Variants in PAPLN observed in about 807,000 individuals in gnomAD.
PAPLN encodes the protein papilin.
A neutral mutation model predicts 159.0 loss-of-function variants in PAPLN; 146 were observed. The ratio of observed to expected loss-of-function variants is 0.92; its 90% confidence interval spans 0.80 to 1.05. The LOEUF is 1.05. Among genes scored for constraint, PAPLN ranks in the 50% least tolerant of loss-of-function variants. The pLI, the probability that PAPLN is intolerant of heterozygous loss-of-function variation, is 0.00. For missense variants in PAPLN, 1,720 were observed against 1,743.9 expected, an observed-to-expected ratio of 0.99 and a Z score of 0.24; for synonymous variants, 734 against 702.9, an observed-to-expected ratio of 1.04 and a Z score of -0.70.
At position 73,259,065 on chromosome 14, in the gene PAPLN, A is replaced by C. The variant is rs1886253198; in HGVS notation, c.1708+6A>C. The C allele has an allele frequency of 1.2e-6, 2 of 1,608,314 alleles. No homozygotes were observed. The highest frequency in any genetic ancestry group is 2.7e-5 in the African/African-American group (2 of 74,696). On this transcript the variant is annotated splice_donor_region_variant and intron_variant, in intron 15 of 26. Coordinates refer to ENST00000644200, the MANE Select transcript of PAPLN (RefSeq NM_001365906.3). ...TCAGGAGTCCCCTGCCTCAGGTGAG[A>C]GCCTGGTCCCGTCCCCCACTCAGAG...
Position 73,259,019 on chromosome 14 carries a change from C to T in PAPLN, c.1668C>T (p.Asn556=), listed in dbSNP as rs775601253. The change falls in exon 15 of 27, where the codon AAC becomes AAT. Residue 556 remains asparagine (N), a synonymous_variant. Coordinates refer to ENST00000644200, the MANE Select transcript of PAPLN (RefSeq NM_001365906.3). The stretch of plus-strand genomic sequence containing the variant: ...AGGATGTGCACACCCCTGCCAGCAA[C>T]CCCTGGATGCCGTTGGGCCCTCAGG... The part of the protein sequence containing the change: ...SMQDVHTPAS[N]PWMPLGPQES... 9.9e-6 allele frequency: 16 copies of T among 1,612,788 alleles called. No individual in the cohort carries two copies. The highest frequency in any genetic ancestry group is 1.4e-5 in the Non-Finnish European group (16 of 1,179,532).
At chr14:73,238,042 C>T (rs1370746044) in intron 1 of PAPLN, among the ~76,000 whole-genome samples, 1 of 152,176 alleles carries the variant, frequency 6.6e-6, no homozygotes, top group Non-Finnish European at 1.5e-5. Flanking sequence ...CGCCTCTCCG[C>T]CTCGGGGGTG....
chr14:73,264,046 T>G (rs542058788), intron 20 of PAPLN, 165 bp from the exon 21 acceptor site: 1 of 1,518,932 alleles, frequency 6.6e-7, no homozygotes, highest in Non-Finnish European at 8.8e-7. Context: ...CGCTGACAGG[T>G]GTGTGTGACA....
intron 2 of PAPLN, among the ~76,000 whole-genome samples, chr14:73,240,687 G>A (rs1179813921): frequency 6.6e-6 from 1 of 152,218 alleles, no homozygotes; most frequent in Non-Finnish European, 1.5e-5. Context: ...CAGGAAGCTG[G>A]CTGGTGGTCA....
In PAPLN at chr14:73,249,977, A is replaced by G. The variant is rs1885048967; in HGVS notation, c.335-7A>G. The G allele has an allele frequency of 6.3e-7, 1 of 1,595,116 alleles. No homozygotes were observed. The highest frequency in any genetic ancestry group is 1.1e-5 in the South Asian group (1 of 87,974). On this transcript the variant is annotated splice_polypyrimidine_tract_variant and splice_region_variant and intron_variant, in intron 5 of 26. Transcript: ENST00000644200. ...GGATCTCAGTCTTGCCTTCCTGCCC[A>G]CCCCAGCCCCAAACAAGTGTGAACT...
Position 73,266,312 on chromosome 14 carries a change from C to G in PAPLN, c.3264-189C>G, listed in dbSNP as rs904650060. ...ATCGCACCACCGAAAGCGCCAGCAG[C>G]TGCAGGTGTAAAGTCTGAGGCCAAA... On this transcript the variant is annotated intron_variant, in intron 23 of 26. Coordinates refer to ENST00000644200, the MANE Select transcript of PAPLN (RefSeq NM_001365906.3). Among the ~76,000 whole-genome samples, 11 of 152,182 alleles carry G rather than the reference C, an allele frequency of 7.2e-5. 1 individual carries two copies. In the South Asian group the frequency reaches 2.3e-3, roughly 32 times the overall value.
rs1887943595 is a variant in PAPLN at position 73,273,888 on chromosome 14, C to T, written c.*1224C>T. 1 of 152,186 alleles carries T rather than the reference C, an allele frequency of 6.6e-6. No individual in the cohort carries two copies. The highest frequency in any genetic ancestry group is 1.5e-5 in the Non-Finnish European group (1 of 68,026). The allele number at this position is 152,186 out of a possible 1,614,324, so 9.4% of individuals were successfully genotyped here. On this transcript the variant is annotated 3_prime_UTR_variant, in exon 27 of 27. Transcript: ENST00000644200. ...CAAATAGGGATTTGGGATGAAACAG[C>T]TGCAGTTAGCACTGTTATCTGAGCA...
At position 73,252,150 on chromosome 14, in the gene PAPLN, G is replaced by A. The variant is rs555191697; in HGVS notation, c.967+9G>A. The A allele has an allele frequency of 1.6e-5, 25 of 1,591,352 alleles. No individual in the cohort carries two copies. The highest frequency in any genetic ancestry group is 6.8e-5 in the East Asian group (3 of 44,146). ...CGCGGAGTGTGGCGGAGGTGCGGGC[G>A]TGGATGGCCCAGGGGAGGGCATGGG... On this transcript the variant is annotated intron_variant, in intron 10 of 26. Transcript: ENST00000644200.
chr14:73,263,534 G>A (rs1886817350), intron 19 of PAPLN, 111 bp from the exon 20 acceptor site: 8 of 1,432,724 alleles, frequency 5.6e-6, no homozygotes, highest in Non-Finnish European at 5.8e-6. Flanking sequence ...AGCCCCAAAA[G>A]TGCCTGTGAC....
chr14:73,259,184 C>T lies in PAPLN; in HGVS notation c.1709-85C>T, dbSNP rs74061079. On this transcript the variant is annotated intron_variant, in intron 15 of 26. Coordinates refer to ENST00000644200, the MANE Select transcript of PAPLN (RefSeq NM_001365906.3). ...GTGGAAGGGAGAATGGTCCAGGGGA[C>T]GGAGGAAGGTGGGTCCAACGTGGAC... 2.0e-3 allele frequency: 3,020 copies of T among 1,522,212 alleles called. 51 individuals are homozygous for T. In the African/African-American group the frequency reaches 0.037, roughly 19 times the overall value. The allele number at this position is 1,522,212 out of a possible 1,614,324, so 94.3% of individuals were successfully genotyped here.
intron 2 of PAPLN, among the ~76,000 whole-genome samples, chr14:73,240,371 C>G (rs1307879875): frequency 6.6e-6 from 1 of 152,134 alleles, no homozygotes; most frequent in East Asian, 1.9e-4. Flanking sequence ...CCATTGAGCA[C>G]TTGAAATGTG....
intron 18 of PAPLN, 84 bp from the exon 19 acceptor site, chr14:73,262,266 T>A: frequency 7.4e-7 from 1 of 1,349,790 alleles, no homozygotes; most frequent in Non-Finnish European, 1.0e-6. Context: ...AGGGCCTGCT[T>A]CCTGAGTCGG....
At chr14:73,256,328 C>G (rs527744760) in intron 14 of PAPLN, among the ~76,000 whole-genome samples, 5 of 150,978 alleles carry the variant, frequency 3.3e-5, no homozygotes, top group Non-Finnish European at 7.4e-5. Context: ...ACCAGGAGTT[C>G]GAGACCCGCC....
At chr14:73,254,036 G>T in intron 12 of PAPLN, 75 bp downstream of exon 12, 1 of 1,481,396 alleles carries the variant, frequency 6.8e-7, no homozygotes, top group Non-Finnish European at 9.0e-7. Flanking sequence ...CTTGTTCTCT[G>T]CTGTGGAAAC....
intron 22 of PAPLN, 38 bp downstream of exon 22, chr14:73,264,764 C>T: frequency 6.2e-7 from 1 of 1,608,538 alleles, no homozygotes; most frequent in Non-Finnish European, 8.5e-7. Context: ...CTCCCCCACG[C>T]CAGGGCCAGG....
chr14:73,250,759 A>C, intron 6 of PAPLN, 148 bp from the exon 7 acceptor site: 2 of 956,012 alleles, frequency 2.1e-6, no homozygotes, highest in South Asian at 5.2e-5. Context: ...TGTCAGCCAC[A>C]GGCCAGTCCC....
chr14:73,251,083 C>G, intron 7 of PAPLN, 53 bp downstream of exon 7: 1 of 1,570,938 alleles, frequency 6.4e-7, no homozygotes, highest in Non-Finnish European at 8.6e-7. Context: ...TTGCCTGTCC[C>G]TTCCTTGCCT....
Position 73,245,956 on chromosome 14 carries a change from C to A in PAPLN, c.232-117C>A. On this transcript the variant is annotated intron_variant, in intron 4 of 26. Coordinates refer to ENST00000644200, the MANE Select transcript of PAPLN (RefSeq NM_001365906.3). The surrounding 1 kb of genome is among the most constrained non-coding windows in gnomAD (Gnocchi z 4.2). ...TCCGGGGGGCGGACTCCACCTCCGGCGGCTCCGATGGGGCAGGCAAGGGAG... is the reference window on the plus strand; with the variant it reads ...TCCGGGGGGCGGACTCCACCTCCGGAGGCTCCGATGGGGCAGGCAAGGGAG... 9.3e-7 allele frequency: 1 copy of A among 1,079,388 alleles called. No individual in the cohort carries two copies. Among genetic ancestry groups the A allele is most frequent in the South Asian group, 1.7e-5 (1 of 59,652 alleles). 66.9% of individuals were successfully genotyped at this position (1,079,388 alleles called of 1,614,324 possible).
chr14:73,248,106 TGC>T (rs1555361147), intron 5 of PAPLN, among the ~76,000 whole-genome samples: 2 of 78,482 alleles, frequency 2.5e-5, no homozygotes, highest in African/African-American at 5.8e-5. Context: ...TGTGTGTGTG[TGC>T]GCGTGTGTGT....
Sources: gnomAD v4.1 joint callset for allele counts (sites outside exome capture counted in the v4.1 genomes callset) on GRCh38, gnomAD v4.1.1 for gene constraint, Gnocchi (gnomAD v3.1) non-coding constraint, MANE v1.5 for transcripts, NCBI Gene and HGNC (gene_info 2026-07-23, HGNC 2026-07-21) for gene names.